The following MED27 variants were observed in gnomAD, a reference collection of about 807,000 sequenced individuals.
MED27 encodes the protein mediator of RNA polymerase II transcription subunit 27.
A neutral mutation model predicts 38.2 loss-of-function variants in MED27; 30 were observed. That is an observed-to-expected ratio of 0.79 (90% CI 0.59 to 1.07). MED27 has a LOEUF of 1.07. Among genes scored for constraint, MED27 ranks in the 50% least tolerant of loss-of-function variants. The pLI is 0.00. For missense variants in MED27, 289 were observed against 397.5 expected (o/e 0.73, Z 2.32); for synonymous variants, 122 against 153.5 (o/e 0.79, Z 1.52).
chr9:132,028,129 T>C (rs930538965), intron 2 of MED27, among the ~76,000 whole-genome samples: 1 of 152,188 alleles, frequency 6.6e-6, no homozygotes, highest in Non-Finnish European at 1.5e-5. Context: ...GTTCCTGTTT[T>C]GAGGCCTCTT....
chr9:131,864,436 C>T lies in MED27; in HGVS notation c.724-1296G>A, dbSNP rs148978655. Among the ~76,000 whole-genome samples the T allele has an allele frequency of 5.2e-4, 79 of 152,312 alleles. 1 individual carries two copies. In the East Asian group the frequency reaches 0.012, roughly 23 times the overall value. ...AAGTTGAGGCTACAGTGAACTGTGA[C>T]TGTGCCACTGCACTCCAGCCTGGGC... On this transcript the variant is annotated intron_variant, in intron 6 of 7. Coordinates refer to ENST00000292035, the MANE Select transcript of MED27 (RefSeq NM_004269.4).
At chr9:131,976,282 C>G (rs573202167) in intron 3 of MED27, among the ~76,000 whole-genome samples, 1 of 152,164 alleles carries the variant, frequency 6.6e-6, no homozygotes, top group Admixed American at 6.5e-5. Flanking sequence ...CCAGAATGAA[C>G]CCAGACTCTG....
At chr9:131,948,822 G>A (rs1186161301) in intron 3 of MED27, among the ~76,000 whole-genome samples, 2 of 152,200 alleles carry the variant, frequency 1.3e-5, no homozygotes, top group African/African-American at 2.4e-5. Flanking sequence ...AGCAGTAGAT[G>A]GGGAGCTTGA....
chr9:131,931,497 T>C (rs976548487), intron 4 of MED27, among the ~76,000 whole-genome samples: 2 of 151,890 alleles, frequency 1.3e-5, no homozygotes, highest in Non-Finnish European at 2.9e-5. Context: ...TTATCAACAA[T>C]AACACTGAGT....
intron 2 of MED27, among the ~76,000 whole-genome samples, chr9:132,015,486 C>T (rs946942255): frequency 2.6e-5 from 4 of 152,158 alleles, no homozygotes; most frequent in African/African-American, 9.7e-5. Flanking sequence ...TTCTAATTTA[C>T]GTAAAATATA....
chr9:132,071,277 C>T (rs760941567), intron 2 of MED27, among the ~76,000 whole-genome samples: 2 of 151,624 alleles, frequency 1.3e-5, no homozygotes, highest in Admixed American at 6.6e-5. Context: ...TCTGAACCAC[C>T]GAGCAACACT....
Position 132,009,052 on chromosome 9 carries a change from G to A in MED27, c.479+5285C>T, listed in dbSNP as rs555733764. ...TCTGCCCGTGGCCTTCTCAGGCACT[G>A]GAAGAAGGTCATGTCAGTCAACTTG... On this transcript the variant is annotated intron_variant, in intron 3 of 7. Transcript: ENST00000292035. Among the ~76,000 whole-genome samples, 3 of 152,300 alleles carry A rather than the reference G, an allele frequency of 2.0e-5. No individual in the cohort carries two copies. In the South Asian group the frequency reaches 6.2e-4, roughly 32 times the overall value.
At chr9:132,073,351 A>T (rs1356648095) in intron 2 of MED27, 11 of 1,000,658 alleles carry the variant, frequency 1.1e-5, no homozygotes, top group Non-Finnish European at 1.3e-5. Flanking sequence ...TTCAACAGAA[A>T]ACGCTTCGAT....
chr9:132,017,123 A>G (rs1465452168), intron 2 of MED27, among the ~76,000 whole-genome samples: 1 of 152,220 alleles, frequency 6.6e-6, no homozygotes, highest in East Asian at 1.9e-4. Context: ...GGCCCATTAA[A>G]TATTTACTGA....
At chr9:131,992,267 C>A (rs1183515308) in intron 3 of MED27, among the ~76,000 whole-genome samples, 1 of 152,150 alleles carries the variant, frequency 6.6e-6, no homozygotes, top group African/African-American at 2.4e-5. Context: ...GAAAGGAAAG[C>A]CTTGTTATCA....
At chr9:132,073,677 G>T in intron 2 of MED27, 1 of 1,515,874 alleles carries the variant, frequency 6.6e-7, no homozygotes, top group Non-Finnish European at 8.8e-7. Context: ...AGTTCAGGAG[G>T]GCAGGAGGGA....
chr9:131,931,533 A>G (rs527863718), intron 4 of MED27, among the ~76,000 whole-genome samples: 31 of 152,306 alleles, frequency 2.0e-4, no homozygotes, highest in African/African-American at 7.5e-4. Context: ...CCAATCAAAT[A>G]TAAGTAAACT....
chr9:131,955,320 G>GA (rs1201126174), intron 3 of MED27, among the ~76,000 whole-genome samples: 2 of 151,288 alleles, frequency 1.3e-5, no homozygotes, highest in African/African-American at 4.9e-5. Context: ...TATAAGAAAA[G>GA]AAAAAAGACT....
intron 3 of MED27, among the ~76,000 whole-genome samples, chr9:132,014,023 C>G (rs895341408): frequency 6.6e-6 from 1 of 151,690 alleles, no homozygotes; most frequent in Non-Finnish European, 1.5e-5. Flanking sequence ...CTAGCCAACA[C>G]AGTGAAACCC....
intron 2 of MED27, among the ~76,000 whole-genome samples, chr9:132,071,700 C>T (rs897181782): frequency 6.6e-6 from 1 of 151,870 alleles, no homozygotes; most frequent in African/African-American, 2.4e-5. Flanking sequence ...ACGAGTAACA[C>T]GCGTCCATGA....
chr9:131,935,024 T>C (rs370405277), intron 4 of MED27, among the ~76,000 whole-genome samples: 1 of 152,012 alleles, frequency 6.6e-6, no homozygotes, highest in South Asian at 2.1e-4. Context: ...GTAATTGAAC[T>C]CCTGTAGATA....
At chr9:131,933,069 T>C (rs1045518669) in intron 4 of MED27, among the ~76,000 whole-genome samples, 1 of 152,100 alleles carries the variant, frequency 6.6e-6, no homozygotes, top group African/African-American at 2.4e-5. Context: ...ACCAACATCA[T>C]TTTATGATAA....
chr9:131,983,867 C>T (rs973928768), intron 3 of MED27, among the ~76,000 whole-genome samples: 2 of 152,174 alleles, frequency 1.3e-5, no homozygotes, highest in Non-Finnish European at 2.9e-5. Context: ...GTTTACATTA[C>T]ACAACAAGGC....
chr9:132,041,493 A>T lies in MED27; in HGVS notation c.349-27026T>A, dbSNP rs12341796. ...ATAGGGGACTGCAGTTCTGCCAGAC[A>T]GTAACCATCATGCTACCGACTGCAG... is the stretch of plus-strand genomic sequence containing the variant. On this transcript the variant is annotated intron_variant, in intron 2 of 7. Transcript: ENST00000292035. Among the ~76,000 whole-genome samples the T allele has an allele frequency of 5.2e-3, 787 of 152,326 alleles. 5 individuals are homozygous for T. Among genetic ancestry groups the T allele is most frequent in the African/African-American group, 0.018 (761 of 41,570 alleles).
Sources: allele counts gnomAD v4.1 joint callset (sites outside exome capture counted in the v4.1 genomes callset), GRCh38; gene constraint gnomAD v4.1.1; transcripts MANE v1.5; gene names NCBI Gene and HGNC (gene_info 2026-07-23, HGNC 2026-07-21).